The following BPHL variants were observed in gnomAD, a reference collection of about 807,000 sequenced individuals.
BPHL encodes biphenyl hydrolase like, also known as serine hydrolase BPHL.
A neutral mutation model predicts 31.2 loss-of-function variants in BPHL; 27 were observed. The observed-to-expected ratio is 0.87, with a 90% CI of 0.64 to 1.19. BPHL has a LOEUF of 1.19. BPHL is among the 50% of genes most tolerant of loss of function. The probability of loss-of-function intolerance (pLI) is 0.00; values close to 1 mark genes in which losing one functional copy is unlikely to be tolerated. For missense variants in BPHL, 356 were observed against 375.7 expected, an observed-to-expected ratio of 0.95 and a Z score of 0.43; for synonymous variants, 150 against 146.8, an observed-to-expected ratio of 1.02 and a Z score of -0.16.
At chr6:3,151,441 C>G (rs963300387) in intron 6 of BPHL, among the ~76,000 whole-genome samples, 1 of 152,114 alleles carries the variant, frequency 6.6e-6, no homozygotes, top group Non-Finnish European at 1.5e-5. Flanking sequence ...CAAGTTGATT[C>G]TCTTGGTACC....
chr6:3,144,493 C>T lies in BPHL; in HGVS notation c.788+3984C>T, dbSNP rs1334500609. ...CTTGAACTCCTGGACTCAAGTGATC[C>T]TCCCACCTCAGCCTCCCAAGTAGCT... On this transcript the variant is annotated intron_variant, in intron 6 of 6. Coordinates refer to ENST00000380379, the MANE Select transcript of BPHL (RefSeq NM_004332.4). Among the ~76,000 whole-genome samples the T allele has an allele frequency of 4.0e-5, 6 of 151,390 alleles. No homozygotes were observed. In the East Asian group the frequency reaches 1.2e-3, roughly 29 times the overall value.
At chr6:3,146,082 CTGATGTG>C in intron 6 of BPHL, among the ~76,000 whole-genome samples, 1 of 51,686 alleles carries the variant, frequency 1.9e-5, no homozygotes, top group Non-Finnish European at 4.2e-5. Context: ...GGGTGGAGTG[CTGATGTG>C]GGTTGGAGTG....
At chr6:3,142,792 T>C (rs941599438) in intron 6 of BPHL, among the ~76,000 whole-genome samples, 1 of 152,216 alleles carries the variant, frequency 6.6e-6, no homozygotes, top group Admixed American at 6.5e-5. Flanking sequence ...TGACAGGTTT[T>C]GCACAGTGAC....
At chr6:3,120,160 G>A (rs150336728) in intron 1 of BPHL, among the ~76,000 whole-genome samples, 10 of 151,912 alleles carry the variant, frequency 6.6e-5, no homozygotes, top group African/African-American at 2.2e-4. Context: ...TCAGCCTCCC[G>A]AGTAGCTGGG....
At chr6:3,132,082 CT>C (rs567000423) in intron 4 of BPHL, among the ~76,000 whole-genome samples, 2 of 152,142 alleles carry the variant, frequency 1.3e-5, no homozygotes, top group Non-Finnish European at 2.9e-5. Flanking sequence ...GCGCAGCACT[CT>C]TTACTCTCTG....
At chr6:3,144,381 T>G (rs1762265095) in intron 6 of BPHL, among the ~76,000 whole-genome samples, 1 of 94,482 alleles carries the variant, frequency 1.1e-5, no homozygotes, top group East Asian at 2.5e-4. Context: ...TCTTTTTTTT[T>G]TTTTTTTTTG....
chr6:3,132,660 G>A (rs58017961), intron 4 of BPHL, among the ~76,000 whole-genome samples: 10,220 of 151,954 alleles, frequency 0.067, 994 homozygotes, highest in African/African-American at 0.21. Flanking sequence ...GCAAGACCCC[G>A]TGTCTACAAA....
intron 6 of BPHL, among the ~76,000 whole-genome samples, chr6:3,146,023 C>G (rs1297136210): frequency 0.012 from 34 of 2,874 alleles, no homozygotes; most frequent in African/African-American, 0.022. Flanking sequence ...GGTTCGGGTC[C>G]GAGTGCTGGT....
chr6:3,120,992 G>C (rs1358020703), intron 1 of BPHL, among the ~76,000 whole-genome samples: 6 of 152,212 alleles, frequency 3.9e-5, no homozygotes, highest in Non-Finnish European at 7.3e-5. Flanking sequence ...CCACTTCCTA[G>C]CTCTGTGAGT....
intron 6 of BPHL, among the ~76,000 whole-genome samples, chr6:3,143,443 G>A (rs775470894): frequency 4.6e-5 from 7 of 152,092 alleles, no homozygotes; most frequent in Non-Finnish European, 7.4e-5. Flanking sequence ...AATAAGAATC[G>A]CTTATTTTTA....
At chr6:3,128,947 A>C in intron 3 of BPHL, 98 bp from the exon 4 acceptor site, 1 of 1,550,390 alleles carries the variant, frequency 6.4e-7, no homozygotes, top group Admixed American at 1.7e-5. Context: ...TTGATACTCC[A>C]GCCTCACACC....
Position 3,137,294 on chromosome 6 carries a change from C to T in BPHL, c.533-68C>T, listed in dbSNP as rs1581475261. The T allele has an allele frequency of 8.3e-6, 13 of 1,568,528 alleles. No individual in the cohort carries two copies. In the East Asian group the frequency reaches 2.7e-4, roughly 33 times the overall value. ...CATGGGCTCAGAAGTGGCTCTTGCT[C>T]AGAATACTTAAAGACAATACTTTAG... On this transcript the variant is annotated intron_variant, in intron 4 of 6. Coordinates refer to ENST00000380379, the MANE Select transcript of BPHL (RefSeq NM_004332.4).
At chr6:3,120,458 G>A (rs940661040) in intron 1 of BPHL, among the ~76,000 whole-genome samples, 1 of 152,120 alleles carries the variant, frequency 6.6e-6, no homozygotes, top group Non-Finnish European at 1.5e-5. Context: ...TTGTACGGCC[G>A]TTTTATAAAT....
intron 4 of BPHL, 97 bp from the exon 5 acceptor site, chr6:3,137,265 A>G: frequency 1.4e-6 from 2 of 1,442,108 alleles, no homozygotes; most frequent in Middle Eastern, 1.9e-4. Flanking sequence ...CGAGACAGTG[A>G]GCGCATGGGC....
At chr6:3,146,778 C>CG (rs1336304172) in intron 6 of BPHL, among the ~76,000 whole-genome samples, 1 of 68,748 alleles carries the variant, frequency 1.5e-5, no homozygotes, top group African/African-American at 5.7e-5. Flanking sequence ...TGGTTTGGGT[C>CG]GAGTGCTGGT....
chr6:3,126,755 CT>C (rs574990872), intron 2 of BPHL: 6,764 of 128,116 alleles, frequency 0.053, 365 homozygotes, highest in African/African-American at 0.15. Context: ...CGCCCGGCCC[CT>C]TTTTTTTTTT....
intron 6 of BPHL, among the ~76,000 whole-genome samples, chr6:3,144,727 T>C (rs1561799304): frequency 6.6e-6 from 1 of 152,204 alleles, no homozygotes; most frequent in Non-Finnish European, 1.5e-5. Flanking sequence ...CTAACGTGAA[T>C]GCAATTCTTC....
chr6:3,131,965 C>T (rs1278138225), intron 4 of BPHL, among the ~76,000 whole-genome samples: 1 of 152,222 alleles, frequency 6.6e-6, no homozygotes, highest in Non-Finnish European at 1.5e-5. Context: ...CCTTCAACCC[C>T]GGGCACTGTC....
intron 6 of BPHL, among the ~76,000 whole-genome samples, chr6:3,147,454 G>A (rs561331653): frequency 2.0e-5 from 3 of 152,190 alleles, no homozygotes; most frequent in Middle Eastern, 3.4e-3. Context: ...AATTTTTTAA[G>A]AGAAGGTCTC....
Sources: gnomAD v4.1 joint callset for allele counts (sites outside exome capture counted in the v4.1 genomes callset) on GRCh38, gnomAD v4.1.1 for gene constraint, MANE v1.5 for transcripts, NCBI Gene and HGNC (gene_info 2026-07-23, HGNC 2026-07-21) for gene names.